Variants in RIN3 observed in about 807,000 individuals in gnomAD.
The protein encoded by RIN3 is RAB5 interacting protein 3.
RIN3 carries 54 observed loss-of-function variants against 76.3 expected under a neutral mutation model. That is an observed-to-expected ratio of 0.71 (90% CI 0.57 to 0.89). The LOEUF (loss-of-function observed/expected upper bound fraction) is 0.89. Among genes scored for constraint, RIN3 ranks in the 40% least tolerant of loss-of-function variants. The pLI, the probability that RIN3 is intolerant of heterozygous loss-of-function variation, is 0.00. For synonymous variants in RIN3, 576 were observed against 564.0 expected (o/e 1.02, Z -0.30); for missense variants, 1,256 against 1,322.1 (o/e 0.95, Z 0.78).
intron 1 of RIN3, among the ~76,000 whole-genome samples, chr14:92,524,662 T>G (rs58539262): frequency 0.066 from 10,092 of 152,226 alleles, 1,130 homozygotes; most frequent in African/African-American, 0.23. Context: ...GGGCAAGGCT[T>G]CCCCAGCCCT....
intron 5 of RIN3, among the ~76,000 whole-genome samples, chr14:92,647,743 A>C (rs1887253552): frequency 6.6e-6 from 1 of 152,156 alleles, no homozygotes; most frequent in South Asian, 2.1e-4. Flanking sequence ...ACCAGCCCCA[A>C]GCTCCCCAGG....
At chr14:92,593,195 G>T (rs1885045533) in intron 3 of RIN3, among the ~76,000 whole-genome samples, 1 of 152,092 alleles carries the variant, frequency 6.6e-6, no homozygotes, top group South Asian at 2.1e-4. Context: ...AGAGAAAATA[G>T]AATCATATAA....
At chr14:92,575,786 C>G (rs944343409) in intron 2 of RIN3, among the ~76,000 whole-genome samples, 1 of 152,196 alleles carries the variant, frequency 6.6e-6, no homozygotes, top group East Asian at 1.9e-4. Context: ...GTTTTGTCAG[C>G]AGGGTCTTTG....
intron 1 of RIN3, among the ~76,000 whole-genome samples, chr14:92,552,266 C>T (rs1897448005): frequency 6.6e-6 from 1 of 152,196 alleles, no homozygotes; most frequent in Non-Finnish European, 1.5e-5. Flanking sequence ...GTCAGTCACC[C>T]TGAGAGCAGC....
intron 4 of RIN3, among the ~76,000 whole-genome samples, chr14:92,640,035 CCTGA>C (rs1395013385): frequency 5.1e-5 from 7 of 136,032 alleles, no homozygotes; most frequent in Non-Finnish European, 9.2e-5. Context: ...TCGAGGGCTG[CCTGA>C]CTGTGTGTTC....
intron 4 of RIN3, among the ~76,000 whole-genome samples, chr14:92,626,311 C>G (rs1015781473): frequency 6.6e-6 from 1 of 152,176 alleles, no homozygotes; most frequent in Non-Finnish European, 1.5e-5. Context: ...ATCCCCCTTT[C>G]TTCCCCTGAG....
Position 92,513,942 on chromosome 14 carries a change from C to T in RIN3, c.10C>T (p.His4Tyr). 1 of 1,246,464 alleles carries T rather than the reference C, an allele frequency of 8.0e-7. No individual in the cohort carries two copies. The highest frequency in any genetic ancestry group is 3.3e-5 in the South Asian group (1 of 30,380). The allele number at this position is 1,246,464 out of a possible 1,614,324, so 77.2% of individuals were successfully genotyped here. Residue 4 changes from histidine to tyrosine, a missense_variant, in exon 1 of 10, where the codon CAC (histidine) becomes TAC (tyrosine). By Grantham distance (83) the His-to-Tyr change is moderately conservative. Coordinates refer to ENST00000216487, the MANE Select transcript of RIN3 (RefSeq NM_024832.5). Reference protein sequence around the residue: MIRHAGAPARGDPT... With the variant: MIRYAGAPARGDPT... ...CGGAGCTGCCGGCGGCATGATCCGA[C>T]ACGCCGGGGCGCCCGCGCGCGGGGA...
chr14:92,558,318 C>T (rs917914081), intron 2 of RIN3, among the ~76,000 whole-genome samples: 18 of 152,120 alleles, frequency 1.2e-4, no homozygotes, highest in Admixed American at 3.9e-4. Flanking sequence ...CACTGTACTC[C>T]AGCCCAGGTG....
chr14:92,563,397 A>C (rs1897831729), intron 2 of RIN3, among the ~76,000 whole-genome samples: 1 of 152,074 alleles, frequency 6.6e-6, no homozygotes, highest in African/African-American at 2.4e-5. Flanking sequence ...AACTTCAGTG[A>C]AGCCCCTCTG....
Position 92,688,159 on chromosome 14 carries a change from C to T in RIN3, c.2865C>T (p.Asp955=). 2 of 1,610,032 alleles carry T rather than the reference C, an allele frequency of 1.2e-6. No homozygotes were observed. Among genetic ancestry groups the T allele is most frequent in the Non-Finnish European group, 1.7e-6 (2 of 1,178,850 alleles). The change falls in exon 10 of 10, where the codon GAC becomes GAT. Residue 955 remains aspartate (D), a synonymous_variant. Transcript: ENST00000216487. ...TGCTGCGCAGCGAGCCCAAGCGCGACTTCCACTTTGTCTACCGGCCCCTGG... is the reference window on the plus strand; with the variant it reads ...TGCTGCGCAGCGAGCCCAAGCGCGATTTCCACTTTGTCTACCGGCCCCTGG... ...GYLLRSEPKR[D]FHFVYRPLDG...
At chr14:92,577,183 G>A (rs759729570) in intron 2 of RIN3, 177 bp from the exon 3 acceptor site, 1 of 546,326 alleles carries the variant, frequency 1.8e-6, no homozygotes, top group Non-Finnish European at 3.4e-6. Flanking sequence ...GTGGATGTGG[G>A]CCAGGTGGCG....
intron 4 of RIN3, among the ~76,000 whole-genome samples, chr14:92,622,645 G>C (rs1886222950): frequency 6.6e-6 from 1 of 152,190 alleles, no homozygotes; most frequent in Non-Finnish European, 1.5e-5. Context: ...GCTGGGGTCA[G>C]ACCGCACAAT....
At chr14:92,687,823 G>T in intron 9 of RIN3, 103 bp from the exon 10 acceptor site, 1 of 1,087,132 alleles carries the variant, frequency 9.2e-7, no homozygotes, top group Non-Finnish European at 1.3e-6. Context: ...AGACAGCTTG[G>T]CGCCCGCCAC....
intron 7 of RIN3, 128 bp downstream of exon 7, chr14:92,659,597 A>G: frequency 1.2e-6 from 1 of 854,626 alleles, no homozygotes; most frequent in Non-Finnish European, 1.7e-6. Context: ...CCCCTTGGGG[A>G]GGAACTGAGT....
At chr14:92,676,391 A>C in intron 7 of RIN3, 84 bp from the exon 8 acceptor site, 1 of 1,515,244 alleles carries the variant, frequency 6.6e-7, no homozygotes. Context: ...ACACTCAGCA[A>C]ACCACTGTCC....
intron 7 of RIN3, among the ~76,000 whole-genome samples, chr14:92,665,313 A>C (rs1188426925): frequency 6.6e-6 from 1 of 151,380 alleles, no homozygotes; most frequent in Non-Finnish European, 1.5e-5. Context: ...TACGTGGTCC[A>C]TCATTGACCA....
At chr14:92,589,013 G>A (rs1884885306) in intron 3 of RIN3, among the ~76,000 whole-genome samples, 1 of 152,148 alleles carries the variant, frequency 6.6e-6, no homozygotes, top group Non-Finnish European at 1.5e-5. Flanking sequence ...GGCTCTTTCT[G>A]ACTGACAGCA....
intron 2 of RIN3, among the ~76,000 whole-genome samples, chr14:92,573,491 C>T (rs1056691498): frequency 1.9e-3 from 6 of 3,206 alleles, no homozygotes; most frequent in East Asian, 7.6e-3. Flanking sequence ...GTTGGTCACA[C>T]GGGGGGCCGA....
At chr14:92,636,677 T>C (rs1886788960) in intron 4 of RIN3, among the ~76,000 whole-genome samples, 1 of 152,208 alleles carries the variant, frequency 6.6e-6, no homozygotes, top group Non-Finnish European at 1.5e-5. Flanking sequence ...TTGCTCACTA[T>C]ATAGATCACT....
Sources: allele counts gnomAD v4.1 joint callset (sites outside exome capture counted in the v4.1 genomes callset), GRCh38; gene constraint gnomAD v4.1.1; transcripts MANE v1.5; gene names NCBI Gene and HGNC (gene_info 2026-07-23, HGNC 2026-07-21).